The following NIPBL variants were observed in gnomAD, a reference collection of about 807,000 sequenced individuals.
NIPBL encodes NIPBL cohesin loading factor.
NIPBL carries 19 observed loss-of-function variants against 321.8 expected under a neutral mutation model. That is an observed-to-expected ratio of 0.06 (90% CI 0.04 to 0.09). NIPBL has a LOEUF of 0.09. Ranked by LOEUF, NIPBL falls within the 10% of genes least tolerant of loss-of-function variation. The pLI is 1.00. For missense variants in NIPBL, 2,210 were observed against 3,327.0 expected, an observed-to-expected ratio of 0.66 and a Z score of 8.26; for synonymous variants, 1,106 against 1,114.1, an observed-to-expected ratio of 0.99 and a Z score of 0.14.
At chr5:37,051,587 T>TC in intron 40 of NIPBL, 192 bp from the exon 41 acceptor site, 1 of 604,626 alleles carries the variant, frequency 1.7e-6, no homozygotes, top group South Asian at 2.2e-5. Flanking sequence ...TTGCTGGTGC[T>TC]CCAGTGCTTT....
intron 32 of NIPBL, among the ~76,000 whole-genome samples, chr5:37,032,385 ACGTGTGTG>A (rs1751140251): frequency 2.0e-5 from 2 of 98,984 alleles, no homozygotes; most frequent in African/African-American, 7.3e-5. Context: ...ATACATGTAT[ACGTGTGTG>A]TGTGTGTGTG....
chr5:36,886,550 G>A, intron 1 of NIPBL: 1 of 658,112 alleles, frequency 1.5e-6, no homozygotes, highest in Non-Finnish European at 2.7e-6. Flanking sequence ...AAAATGTTCA[G>A]AGGTCATTGG....
chr5:36,937,608 T>C (rs1738582617), intron 1 of NIPBL, among the ~76,000 whole-genome samples: 1 of 152,160 alleles, frequency 6.6e-6, no homozygotes, highest in African/African-American at 2.4e-5. Context: ...TTAGTTTTTT[T>C]AGGAATGCTA....
chr5:36,906,812 T>C (rs1414560517), intron 1 of NIPBL, among the ~76,000 whole-genome samples: 1 of 152,234 alleles, frequency 6.6e-6, no homozygotes, highest in Admixed American at 6.5e-5. Flanking sequence ...AAATATTTTC[T>C]AGAACTTTAA....
At chr5:36,994,676 A>G (rs1745931184) in intron 10 of NIPBL, among the ~76,000 whole-genome samples, 1 of 152,158 alleles carries the variant, frequency 6.6e-6, no homozygotes, top group South Asian at 2.1e-4. Flanking sequence ...AAGGAAGCTA[A>G]AATTGCCATC....
intron 1 of NIPBL, among the ~76,000 whole-genome samples, chr5:36,900,336 A>G (rs1747104651): frequency 6.6e-6 from 1 of 152,200 alleles, no homozygotes; most frequent in South Asian, 2.1e-4. Flanking sequence ...TTATATGCAA[A>G]TACTACACCA....
At chr5:36,886,474 G>T in intron 1 of NIPBL, 1 of 758,728 alleles carries the variant, frequency 1.3e-6, no homozygotes, top group South Asian at 1.4e-5. Context: ...TGAGACCAGT[G>T]ACACCAAAGT....
At chr5:36,928,748 C>T (rs949244498) in intron 1 of NIPBL, among the ~76,000 whole-genome samples, 9 of 152,110 alleles carry the variant, frequency 5.9e-5, no homozygotes, top group Admixed American at 5.2e-4. Flanking sequence ...TTTTTCTGGA[C>T]ATTTCATCTA....
At position 37,045,603 on chromosome 5, in the gene NIPBL, G is replaced by A; in HGVS notation, c.6498+6G>A. 1 of 1,613,264 alleles carries A rather than the reference G, an allele frequency of 6.2e-7. No homozygotes were observed. Among genetic ancestry groups the A allele is most frequent in the Non-Finnish European group, 8.5e-7 (1 of 1,179,288 alleles). ...ATTTTAAAGGCAACAGCAAGGTAAAGGTAGTAATACTTAAAATGCTATAAA... is the reference window on the plus strand; with the variant it reads ...ATTTTAAAGGCAACAGCAAGGTAAAAGTAGTAATACTTAAAATGCTATAAA... On this transcript the variant is annotated splice_donor_region_variant and intron_variant, in intron 37 of 46. Coordinates refer to ENST00000282516, the MANE Select transcript of NIPBL (RefSeq NM_133433.4).
chr5:36,898,052 C>G (rs1052420967), intron 1 of NIPBL, among the ~76,000 whole-genome samples: 1 of 152,128 alleles, frequency 6.6e-6, no homozygotes, highest in Admixed American at 6.5e-5. Flanking sequence ...GTTCAAACTT[C>G]TGTGTTTCTT....
intron 34 of NIPBL, among the ~76,000 whole-genome samples, chr5:37,041,676 C>A (rs1198993747): frequency 6.6e-6 from 1 of 151,956 alleles, no homozygotes; most frequent in African/African-American, 2.4e-5. Context: ...GATTCTCATG[C>A]CTTAGCCACC....
At chr5:36,992,048 G>A (rs1273339106) in intron 10 of NIPBL, among the ~76,000 whole-genome samples, 1 of 152,064 alleles carries the variant, frequency 6.6e-6, no homozygotes, top group African/African-American at 2.4e-5. Flanking sequence ...CTTAAATGTA[G>A]CATATCTAGG....
At chr5:37,033,685 TACACACAC>T in intron 32 of NIPBL, among the ~76,000 whole-genome samples, 1 of 65,046 alleles carries the variant, frequency 1.5e-5, no homozygotes, top group Admixed American at 2.5e-4. Flanking sequence ...TATATGTACA[TACACACAC>T]ACACACACAC....
chr5:37,010,540 T>TCATGATC (rs539429022), intron 21 of NIPBL, among the ~76,000 whole-genome samples: 69 of 152,190 alleles, frequency 4.5e-4, no homozygotes, highest in African/African-American at 1.6e-3. Context: ...GGTCTCGAAC[T>TCATGATC]CATGATCCAC....
intron 6 of NIPBL, among the ~76,000 whole-genome samples, chr5:36,967,272 A>AT (rs1742310824): frequency 6.6e-6 from 1 of 152,114 alleles, no homozygotes; most frequent in Non-Finnish European, 1.5e-5. Flanking sequence ...ATTGATAAAC[A>AT]TTTCAGTCTT....
intron 6 of NIPBL, 66 bp from the exon 7 acceptor site, chr5:36,970,810 A>G: frequency 7.5e-7 from 1 of 1,339,948 alleles, no homozygotes; most frequent in Admixed American, 1.8e-5. Context: ...ATTTGTGAAT[A>G]ATTACTATTC....
chr5:36,987,780 A>C (rs781326110), intron 10 of NIPBL, among the ~76,000 whole-genome samples: 2 of 152,228 alleles, frequency 1.3e-5, no homozygotes, highest in Non-Finnish European at 2.9e-5. Flanking sequence ...TTAAGACATC[A>C]GCCTTAATTA....
rs16903455 is a variant in NIPBL, at chr5:37,020,397, T to C, written c.5011-62T>C. The C allele has an allele frequency of 3.6e-3, 4,170 of 1,166,690 alleles. 106 individuals carry two copies. The African/African-American group carries it at 0.056, about 16-fold the overall frequency. The allele number at this position is 1,166,690 out of a possible 1,614,324, so 72.3% of individuals were successfully genotyped here. On this transcript the variant is annotated intron_variant, in intron 25 of 46. Transcript: ENST00000282516. ...TCCTGTAATGTGAGCACTCTAACTT[T>C]ATTAACTTGGAAATCTTGTTGCTAA... is the stretch of plus-strand genomic sequence containing the variant.
intron 9 of NIPBL, among the ~76,000 whole-genome samples, chr5:36,976,921 A>G (rs1174740304): frequency 6.6e-6 from 1 of 152,044 alleles, no homozygotes; most frequent in Non-Finnish European, 1.5e-5. Context: ...AAGAGTTAAT[A>G]TTAAATAGCA....
Sources: gnomAD v4.1 joint callset for allele counts (sites outside exome capture counted in the v4.1 genomes callset) on GRCh38, gnomAD v4.1.1 for gene constraint, MANE v1.5 for transcripts, NCBI Gene and HGNC (gene_info 2026-07-23, HGNC 2026-07-21) for gene names.